KCNQ1: variants seen among roughly 807,000 people sequenced by gnomAD.
KCNQ1 encodes potassium voltage-gated channel subfamily KQT member 1.
A neutral mutation model predicts 72.4 loss-of-function variants in KCNQ1; 49 were observed. That is an observed-to-expected ratio of 0.68 (90% CI 0.54 to 0.86). The LOEUF is 0.86. KCNQ1 is among the 40% of genes least tolerant of loss of function. The pLI is 0.00. For missense variants in KCNQ1, 790 were observed against 945.1 expected (o/e 0.84, Z 2.15); for synonymous variants, 450 against 412.6 (o/e 1.09, Z -1.10).
chr11:2,723,651 G>T lies in KCNQ1; in HGVS notation c.1515-45193G>T, dbSNP rs1845709050. ...AACAGCCTCGAATCCCTCACACCTA[G>T]CGGTTGGCTGGGCAGGTGGACTGGT... is the stretch of plus-strand genomic sequence containing the variant. On this transcript the variant is annotated intron_variant, in intron 11 of 15. Transcript: ENST00000155840. This position sits in a 1 kb window ranked among gnomAD's most constrained non-coding sequence, Gnocchi z 4.2. Among the ~76,000 whole-genome samples, 1 of 152,238 alleles carries T rather than the reference G, an allele frequency of 6.6e-6. No homozygotes were observed. The highest frequency in any genetic ancestry group is 2.1e-4 in the South Asian group (1 of 4,828).
At chr11:2,694,002 GC>G (rs1458468889) in intron 11 of KCNQ1, 2 of 398,590 alleles carry the variant, frequency 5.0e-6, no homozygotes, top group Non-Finnish European at 8.8e-6. Flanking sequence ...GCCTCTCTAG[GC>G]CACCTCCAAC....
Position 2,647,362 on chromosome 11 carries a change from T to C in KCNQ1, c.1394-14599T>C. On this transcript the variant is annotated intron_variant, in intron 10 of 15. Transcript: ENST00000155840. This position sits in a 1 kb window ranked among gnomAD's most constrained non-coding sequence, Gnocchi z 4.0. ...GGTGTATTATCTTTTTGATGTGCGATTGGATTCAGATTGCTAGTTTGTGTG... is the reference window on the plus strand; with the variant it reads ...GGTGTATTATCTTTTTGATGTGCGACTGGATTCAGATTGCTAGTTTGTGTG... The C allele has an allele frequency of 2.5e-6, 1 of 398,592 alleles. No homozygotes were observed. The allele number at this position is 398,592 out of a possible 1,614,324, so 24.7% of individuals were successfully genotyped here. A position where few individuals can be genotyped will look rare whatever the true frequency, so the allele number is the denominator to read the frequency against.
At chr11:2,553,112 C>G (rs1198705066) in intron 2 of KCNQ1, among the ~76,000 whole-genome samples, 1 of 147,564 alleles carries the variant, frequency 6.8e-6, no homozygotes, top group African/African-American at 2.5e-5. Flanking sequence ...GCTCATGTTA[C>G]TTATTAGTTT....
chr11:2,662,391 C>T (rs1444161642), intron 11 of KCNQ1: 1 of 511,056 alleles, frequency 2.0e-6, no homozygotes, highest in Non-Finnish European at 3.4e-6. Context: ...CCCTCCCCTG[C>T]CCCCCAAAAA....
rs1347378096 is a variant in KCNQ1 at position 2,664,778 on chromosome 11, G to T, written c.1514+2697G>T. ...GGGTCTCACAGGGGGCAGAGTGGGT[G>T]GGAGGCAGTTACCAAAAAACATTTC... On this transcript the variant is annotated intron_variant, in intron 11 of 15. Coordinates refer to ENST00000155840, the MANE Select transcript of KCNQ1 (RefSeq NM_000218.3). This position sits in a 1 kb window ranked among gnomAD's most constrained non-coding sequence, Gnocchi z 5.1. 1.0e-5 allele frequency: 4 copies of T among 398,636 alleles called. No individual in the cohort carries two copies. The highest frequency in any genetic ancestry group is 1.8e-5 in the Non-Finnish European group (4 of 226,178). The allele number at this position is 398,636 out of a possible 1,614,324, so 24.7% of individuals were successfully genotyped here. A position where few individuals can be genotyped will look rare whatever the true frequency, so the allele number is the denominator to read the frequency against.
At chr11:2,807,562 G>T (rs1030727369) in intron 15 of KCNQ1, among the ~76,000 whole-genome samples, 3 of 152,166 alleles carry the variant, frequency 2.0e-5, no homozygotes, top group Admixed American at 1.3e-4. Flanking sequence ...ACACTCCCGG[G>T]CCGGGCCCTC....
Position 2,713,825 on chromosome 11 carries a change from G to A in KCNQ1, c.1514+51744G>A, listed in dbSNP as rs1851044879. ...GGATTCAGAGGATATACCGTATTCTGGCCGTCTTACATTACTGCAATATTG... is the reference window on the plus strand; with the variant it reads ...GGATTCAGAGGATATACCGTATTCTAGCCGTCTTACATTACTGCAATATTG... On this transcript the variant is annotated intron_variant, in intron 11 of 15. Coordinates refer to ENST00000155840, the MANE Select transcript of KCNQ1 (RefSeq NM_000218.3). The surrounding 1 kb of genome is among the most constrained non-coding windows in gnomAD (Gnocchi z 5.6). Among the ~76,000 whole-genome samples, 1 of 152,242 alleles carries A rather than the reference G, an allele frequency of 6.6e-6. No homozygotes were observed. Among genetic ancestry groups the A allele is most frequent in the Admixed American group, 6.5e-5 (1 of 15,290 alleles).
chr11:2,834,161 G>GTGGTGTGGCACA (rs539030517), intron 15 of KCNQ1, among the ~76,000 whole-genome samples: 8 of 152,212 alleles, frequency 5.3e-5, no homozygotes, highest in African/African-American at 1.7e-4. Context: ...CATGGTGGGA[G>GTGGTGTGGCACA]TGGTGTGGCA....
In KCNQ1 at chr11:2,611,003, A is replaced by T. The variant is rs553185190; in HGVS notation, c.1393+22149A>T. On this transcript the variant is annotated intron_variant, in intron 10 of 15. Coordinates refer to ENST00000155840, the MANE Select transcript of KCNQ1 (RefSeq NM_000218.3). This position sits in a 1 kb window ranked among gnomAD's most constrained non-coding sequence, Gnocchi z 5.3. ...TACTATTATTGTTGAGTTGTCTATT[A>T]TTGTTCAGTTGTCTGTTTCTCTCTT... 1.6e-3 allele frequency: 625 copies of T among 398,332 alleles called. 3 individuals carry two copies. Among genetic ancestry groups the T allele is most frequent in the South Asian group, 3.6e-3 (28 of 7,850 alleles). 24.7% of individuals were successfully genotyped at this position (398,332 alleles called of 1,614,324 possible). A position where few individuals can be genotyped will look rare whatever the true frequency, so the allele number is the denominator to read the frequency against.
intron 1 of KCNQ1, among the ~76,000 whole-genome samples, chr11:2,476,602 T>A (rs1283085232): frequency 6.6e-6 from 1 of 152,164 alleles, no homozygotes; most frequent in African/African-American, 2.4e-5. Flanking sequence ...AAACAATATA[T>A]ATCTTATAAT....
intron 11 of KCNQ1, chr11:2,697,037 C>T (rs1850689119): frequency 2.5e-6 from 1 of 398,490 alleles, no homozygotes. Flanking sequence ...GCCCCCCAGA[C>T]CCTTTCAGGA....
Position 2,493,105 on chromosome 11 carries a change from C to G in KCNQ1, c.387-34823C>G, listed in dbSNP as rs543156664. Among the ~76,000 whole-genome samples, 4 of 152,118 alleles carry G rather than the reference C, an allele frequency of 2.6e-5. No individual in the cohort carries two copies. Among genetic ancestry groups the G allele is most frequent in the African/African-American group, 4.8e-5 (2 of 41,402 alleles). ...TTTTGATTTGCATTTCTCTGATGAC[C>G]AGTAATGATTAGCTTTTTTTTCCAT... On this transcript the variant is annotated intron_variant, in intron 1 of 15. Transcript: ENST00000155840. The surrounding 1 kb of genome is among the most constrained non-coding windows in gnomAD (Gnocchi z 5.3).
chr11:2,709,148 T>G (rs1194099848), intron 11 of KCNQ1, among the ~76,000 whole-genome samples: 1 of 151,496 alleles, frequency 6.6e-6, no homozygotes, highest in Non-Finnish European at 1.5e-5. Context: ...TGGCACGGGG[T>G]CTGTTTAGCT....
intron 2 of KCNQ1, among the ~76,000 whole-genome samples, chr11:2,554,609 G>A (rs542530229): frequency 1.1e-4 from 16 of 152,312 alleles, no homozygotes; most frequent in South Asian, 2.1e-4. Flanking sequence ...TCTGCAACAG[G>A]ACACCGTAAG....
chr11:2,491,358 G>C lies in KCNQ1; in HGVS notation c.387-36570G>C, dbSNP rs142093021. On this transcript the variant is annotated intron_variant, in intron 1 of 15. Transcript: ENST00000155840. The surrounding 1 kb of genome is among the most constrained non-coding windows in gnomAD (Gnocchi z 4.1). Reference sequence around the variant, plus strand: ...TCAAATTCAAGATAACACAGCGAAGGAATTCAGAATTCTATCAGATAAATT... The same window carrying C: ...TCAAATTCAAGATAACACAGCGAAGCAATTCAGAATTCTATCAGATAAATT... Among the ~76,000 whole-genome samples the C allele has an allele frequency of 1.1e-4, 17 of 152,236 alleles. No homozygotes were observed. Among genetic ancestry groups the C allele is most frequent in the African/African-American group, 3.6e-4 (15 of 41,538 alleles).
intron 10 of KCNQ1, chr11:2,631,106 A>G (rs766399775): frequency 7.5e-6 from 3 of 398,406 alleles, no homozygotes; most frequent in Non-Finnish European, 1.3e-5. Context: ...TCATGTACCT[A>G]GATGTCCATC....
At chr11:2,777,704 C>T (rs1028562978) in intron 14 of KCNQ1, 36 of 601,514 alleles carry the variant, frequency 6.0e-5, no homozygotes, top group Non-Finnish European at 9.5e-5. Flanking sequence ...GGCAGTGTGG[C>T]CAGCTTAGGC....
chr11:2,759,057 C>T lies in KCNQ1; in HGVS notation c.1515-9787C>T, dbSNP rs985536652. Among the ~76,000 whole-genome samples, 2 of 151,934 alleles carry T rather than the reference C, an allele frequency of 1.3e-5. No individual in the cohort carries two copies. The highest frequency in any genetic ancestry group is 2.4e-5 in the African/African-American group (1 of 41,356). On this transcript the variant is annotated intron_variant, in intron 11 of 15. Coordinates refer to ENST00000155840, the MANE Select transcript of KCNQ1 (RefSeq NM_000218.3). The surrounding 1 kb of genome is among the most constrained non-coding windows in gnomAD (Gnocchi z 4.4). Reference sequence around the variant, plus strand: ...GCGTTGATCTGTTACTCCACCCATGCAAGGTGTGACCGTCGCGAACTCACG... The same window carrying T: ...GCGTTGATCTGTTACTCCACCCATGTAAGGTGTGACCGTCGCGAACTCACG...
intron 6 of KCNQ1, among the ~76,000 whole-genome samples, chr11:2,583,188 C>T (rs575905672): frequency 4.6e-5 from 7 of 152,280 alleles, no homozygotes; most frequent in African/African-American, 9.6e-5. Context: ...CCTGGCCCTT[C>T]GTGGGTGCTG....
Sources: allele counts gnomAD v4.1 joint callset (sites outside exome capture counted in the v4.1 genomes callset), GRCh38; gene constraint gnomAD v4.1.1; non-coding constraint Gnocchi (gnomAD v3.1); transcripts MANE v1.5; gene names NCBI Gene and HGNC (gene_info 2026-07-23, HGNC 2026-07-21).